PLCL2: variants seen among roughly 807,000 people sequenced by gnomAD.
The protein encoded by PLCL2 is phospholipase C like 2.
A neutral mutation model predicts 79.6 loss-of-function variants in PLCL2; 4 were observed. The observed-to-expected ratio is 0.05, with a 90% CI of 0.02 to 0.11. PLCL2 has a LOEUF of 0.11. Ranked by LOEUF, PLCL2 falls within the 10% of genes least tolerant of loss-of-function variation. The probability of loss-of-function intolerance (pLI) is 1.00; values close to 1 mark genes in which losing one functional copy is unlikely to be tolerated. For synonymous variants in PLCL2, 484 were observed against 457.7 expected (o/e 1.06, Z -0.73); for missense variants, 895 against 1,291.0 (o/e 0.69, Z 4.70).
Position 17,045,635 on chromosome 3 carries a change from T to G in PLCL2, c.3094+2686T>G, listed in dbSNP as rs573986855. ...ATAGTCCTCTCTGTTAAGAAGAGAA[T>G]GCAGTGACACAGAGAGTTGGGGTAA... is the stretch of plus-strand genomic sequence containing the variant. On this transcript the variant is annotated intron_variant, in intron 4 of 5. Coordinates refer to ENST00000615277, the MANE Select transcript of PLCL2 (RefSeq NM_001144382.2). Among the ~76,000 whole-genome samples, 35 of 152,260 alleles carry G rather than the reference T, an allele frequency of 2.3e-4. No individual in the cohort carries two copies. In the South Asian group the frequency reaches 7.0e-3, roughly 31 times the overall value.
chr3:17,022,970 TTCTC>T (rs756629401), intron 3 of PLCL2, among the ~76,000 whole-genome samples: 2 of 152,166 alleles, frequency 1.3e-5, no homozygotes, highest in African/African-American at 2.4e-5. Context: ...CTCTCTGACT[TTCTC>T]TCTTTCCCCC....
intron 5 of PLCL2, among the ~76,000 whole-genome samples, chr3:17,083,474 C>T (rs2065184450): frequency 6.6e-6 from 1 of 152,100 alleles, no homozygotes; most frequent in Admixed American, 6.5e-5. Context: ...AGGCTGTGGG[C>T]AAGGACTTTG....
At chr3:17,049,172 T>C (rs542775582) in intron 4 of PLCL2, among the ~76,000 whole-genome samples, 4 of 152,226 alleles carry the variant, frequency 2.6e-5, no homozygotes, top group African/African-American at 9.6e-5. Context: ...GGCACACCTA[T>C]AGACTAATAT....
chr3:16,934,764 A>C (rs1264450518), intron 1 of PLCL2, among the ~76,000 whole-genome samples: 1 of 152,236 alleles, frequency 6.6e-6, no homozygotes, highest in Non-Finnish European at 1.5e-5. Context: ...AAGTAGACAC[A>C]GAAGAGCTCT....
intron 3 of PLCL2, among the ~76,000 whole-genome samples, chr3:17,027,840 CAA>C (rs2064534808): frequency 6.6e-6 from 1 of 152,160 alleles, no homozygotes. Context: ...CCTAAAGAAA[CAA>C]GAGGTGGAAA....
chr3:16,896,275 AG>A (rs1696477369), intron 1 of PLCL2, among the ~76,000 whole-genome samples: 1 of 152,094 alleles, frequency 6.6e-6, no homozygotes, highest in African/African-American at 2.4e-5. Context: ...GACCTGCTAA[AG>A]CCCTGCACTA....
intron 5 of PLCL2, among the ~76,000 whole-genome samples, chr3:17,079,732 A>T (rs936360611): frequency 1.7e-4 from 26 of 152,246 alleles, no homozygotes; most frequent in African/African-American, 6.0e-4. Context: ...TTCTGAATTT[A>T]AAAAATTGAA....
intron 4 of PLCL2, among the ~76,000 whole-genome samples, chr3:17,050,977 G>A (rs980506674): frequency 6.6e-6 from 1 of 152,154 alleles, no homozygotes; most frequent in Non-Finnish European, 1.5e-5. Flanking sequence ...AAAAGAATGA[G>A]ATCCTATCAT....
At chr3:16,954,961 T>C (rs1326918844) in intron 1 of PLCL2, among the ~76,000 whole-genome samples, 1 of 152,246 alleles carries the variant, frequency 6.6e-6, no homozygotes, top group Non-Finnish European at 1.5e-5. Flanking sequence ...AAAAATGTTC[T>C]CCCATTCTGT....
intron 1 of PLCL2, among the ~76,000 whole-genome samples, chr3:16,926,171 CTT>C (rs749111711): frequency 1.6e-4 from 24 of 152,316 alleles, no homozygotes; most frequent in Admixed American, 4.6e-4. Context: ...AGAATTAAGT[CTT>C]TTGCTGATTC....
At chr3:17,046,829 TG>T (rs2064785566) in intron 4 of PLCL2, among the ~76,000 whole-genome samples, 1 of 152,112 alleles carries the variant, frequency 6.6e-6, no homozygotes. Context: ...AGATCTAACC[TG>T]GTGACCAGGT....
chr3:16,926,674 C>T (rs1181188019), intron 1 of PLCL2, among the ~76,000 whole-genome samples: 1 of 151,850 alleles, frequency 6.6e-6, no homozygotes, highest in Non-Finnish European at 1.5e-5. Flanking sequence ...CTCTGTCTCC[C>T]ACGCTGGAGT....
chr3:17,066,998 C>T (rs1284409755), intron 4 of PLCL2, among the ~76,000 whole-genome samples: 3 of 152,090 alleles, frequency 2.0e-5, no homozygotes, highest in Non-Finnish European at 4.4e-5. Context: ...AATTATGTAA[C>T]GTTTTGATAT....
chr3:17,008,475 G>A (rs1248756764), intron 1 of PLCL2, among the ~76,000 whole-genome samples: 1 of 151,966 alleles, frequency 6.6e-6, no homozygotes, highest in Non-Finnish European at 1.5e-5. Flanking sequence ...TTAAACTTTA[G>A]TGTACATCCT....
chr3:17,085,595 G>T (rs981225379), intron 5 of PLCL2, among the ~76,000 whole-genome samples: 1 of 151,892 alleles, frequency 6.6e-6, no homozygotes, highest in Non-Finnish European at 1.5e-5. Context: ...GACTACAGGC[G>T]CCCGCCACCA....
chr3:17,061,683 T>C (rs1267840977), intron 4 of PLCL2, among the ~76,000 whole-genome samples: 1 of 152,188 alleles, frequency 6.6e-6, no homozygotes, highest in Non-Finnish European at 1.5e-5. Flanking sequence ...AAGCAATAAA[T>C]TTCTAAAATA....
In PLCL2 at chr3:17,033,363, G is replaced by A. The variant is rs544952997; in HGVS notation, c.3019-9511G>A. Among the ~76,000 whole-genome samples the A allele has an allele frequency of 1.3e-5, 2 of 152,266 alleles. 1 individual carries two copies. The highest frequency in any genetic ancestry group is 4.1e-4 in the South Asian group (2 of 4,834). ...ATGACGCCAAAACCATGCTTTGAAC[G>A]TGGCAGAAACTGAGAATTTAACTTA... On this transcript the variant is annotated intron_variant, in intron 3 of 5. Transcript: ENST00000615277.
At chr3:16,909,461 C>G (rs1696824690) in intron 1 of PLCL2, among the ~76,000 whole-genome samples, 1 of 152,088 alleles carries the variant, frequency 6.6e-6, no homozygotes, top group Non-Finnish European at 1.5e-5. Flanking sequence ...CACCAAAGCA[C>G]CCAATGGTTT....
In PLCL2 at chr3:17,056,643, A is replaced by G. The variant is rs2064894901; in HGVS notation, c.3095-11313A>G. On this transcript the variant is annotated intron_variant, in intron 4 of 5. Transcript: ENST00000615277. ...TAGGTCAGTGCTGTGTCAATAACAT[A>G]TTAACATATTAAAGAAAAAACACAG... Among the ~76,000 whole-genome samples the G allele has an allele frequency of 2.6e-5, 4 of 152,194 alleles. No homozygotes were observed. The South Asian group carries it at 6.2e-4, about 24-fold the overall frequency.
Sources: allele counts gnomAD v4.1 joint callset (sites outside exome capture counted in the v4.1 genomes callset), GRCh38; gene constraint gnomAD v4.1.1; transcripts MANE v1.5; gene names NCBI Gene and HGNC (gene_info 2026-07-23, HGNC 2026-07-21).